The following IDO2 variants were observed in gnomAD, a reference collection of about 807,000 sequenced individuals.
The protein encoded by IDO2 is indoleamine 2,3-dioxygenase-like 1 protein.
In IDO2, 46 loss-of-function variants were observed where a neutral mutation model predicts 45.1. The observed-to-expected ratio is 1.02, with a 90% CI of 0.80 to 1.30. The LOEUF (loss-of-function observed/expected upper bound fraction) is 1.30, where lower values mean the gene tolerates loss of function less well. Among genes scored for constraint, IDO2 ranks in the 50% most tolerant of loss-of-function variants. The probability of loss-of-function intolerance (pLI) is 0.00; values close to 1 mark genes in which losing one functional copy is unlikely to be tolerated. For synonymous variants in IDO2, 218 were observed against 184.9 expected, an observed-to-expected ratio of 1.18 and a Z score of -1.45; for missense variants, 544 against 491.8, an observed-to-expected ratio of 1.11 and a Z score of -1.00.
chr8:39,994,685 ACGG>A (rs1802003718), intron 8 of IDO2, among the ~76,000 whole-genome samples: 1 of 47,140 alleles, frequency 2.1e-5, no homozygotes. Flanking sequence ...AATTGTTCCT[ACGG>A]TTCAGCCTGA....
At chr8:40,003,574 T>G (rs1019327017) in intron 8 of IDO2, among the ~76,000 whole-genome samples, 3 of 152,186 alleles carry the variant, frequency 2.0e-5, no homozygotes, top group African/African-American at 7.2e-5. Flanking sequence ...TGTTGATATT[T>G]GAATATTAAC....
intron 8 of IDO2, among the ~76,000 whole-genome samples, chr8:39,992,165 C>A (rs768020781): frequency 1.3e-5 from 2 of 152,192 alleles, no homozygotes; most frequent in Non-Finnish European, 1.5e-5. Flanking sequence ...CTCTGTGCCC[C>A]TACTTGTGAT....
intron 9 of IDO2, among the ~76,000 whole-genome samples, chr8:40,010,104 A>T (rs1385593838): frequency 6.6e-6 from 1 of 152,162 alleles, no homozygotes; most frequent in African/African-American, 2.4e-5. Flanking sequence ...ATACATTACA[A>T]TGGTAAGCAC....
intron 8 of IDO2, among the ~76,000 whole-genome samples, chr8:39,992,748 G>T (rs866769089): frequency 6.6e-6 from 1 of 152,100 alleles, no homozygotes; most frequent in Non-Finnish European, 1.5e-5. Context: ...AAAATGGAGC[G>T]TACCAAACAA....
chr8:40,010,896 TAGTC>T (rs758608765), intron 9 of IDO2, among the ~76,000 whole-genome samples: 1 of 152,262 alleles, frequency 6.6e-6, no homozygotes, highest in South Asian at 2.1e-4. Flanking sequence ...CATTTGTAAA[TAGTC>T]AGGATATAGG....
chr8:39,992,474 C>T (rs1801953077), intron 8 of IDO2, among the ~76,000 whole-genome samples: 1 of 152,186 alleles, frequency 6.6e-6, no homozygotes. Context: ...GGAGCAGAGT[C>T]AAGCCATTGC....
chr8:39,995,608 C>G (rs1449256421), intron 8 of IDO2, among the ~76,000 whole-genome samples: 1 of 151,876 alleles, frequency 6.6e-6, no homozygotes. Context: ...ACGAGCTGTT[C>G]CAGTATAATG....
At chr8:39,951,823 A>T (rs1372504879) in intron 2 of IDO2, among the ~76,000 whole-genome samples, 1 of 152,218 alleles carries the variant, frequency 6.6e-6, no homozygotes, top group African/African-American at 2.4e-5. Context: ...CAAATGAGCT[A>T]AACATGACGT....
At chr8:40,002,824 T>A (rs796183349) in intron 8 of IDO2, among the ~76,000 whole-genome samples, 3 of 152,060 alleles carry the variant, frequency 2.0e-5, no homozygotes, top group South Asian at 2.1e-4. Context: ...TGTTGGAAAT[T>A]TTGTACAAAT....
intron 3 of IDO2, among the ~76,000 whole-genome samples, chr8:39,970,915 T>G (rs1225049252): frequency 3.3e-5 from 5 of 151,868 alleles, no homozygotes; most frequent in Admixed American, 2.0e-4. Flanking sequence ...TACAGGCACG[T>G]GCCACCATGC....
At chr8:40,002,014 G>C (rs1353138098) in intron 8 of IDO2, among the ~76,000 whole-genome samples, 1 of 151,986 alleles carries the variant, frequency 6.6e-6, no homozygotes. Flanking sequence ...TCAAACTCCT[G>C]ACTTCAAGTG....
At chr8:40,014,218 A>G (rs1193166112) in intron 10 of IDO2, among the ~76,000 whole-genome samples, 1 of 152,208 alleles carries the variant, frequency 6.6e-6, no homozygotes, top group African/African-American at 2.4e-5. Flanking sequence ...CAGTTGCAAA[A>G]AGACACTTCA....
chr8:39,959,172 C>T (rs538924759), intron 2 of IDO2, among the ~76,000 whole-genome samples: 2 of 150,404 alleles, frequency 1.3e-5, no homozygotes, highest in Non-Finnish European at 2.9e-5. Context: ...TGCAGTGGTG[C>T]GATTGGCTCA....
chr8:39,951,873 C>T (rs1055842975), intron 2 of IDO2, among the ~76,000 whole-genome samples: 6 of 152,202 alleles, frequency 3.9e-5, no homozygotes, highest in African/African-American at 1.4e-4. Flanking sequence ...GTTCTTTCCT[C>T]TTTCATAACT....
chr8:40,012,430 G>T (rs937093955), intron 9 of IDO2, among the ~76,000 whole-genome samples: 3 of 152,048 alleles, frequency 2.0e-5, no homozygotes, highest in Admixed American at 6.6e-5. Flanking sequence ...ATTGCTTTGA[G>T]TCTTTGTTAC....
intron 8 of IDO2, among the ~76,000 whole-genome samples, chr8:39,992,255 A>G (rs1347167074): frequency 4.6e-5 from 7 of 152,166 alleles, no homozygotes; most frequent in Non-Finnish European, 1.0e-4. Context: ...TGCAGGTTTA[A>G]CCTTGTGTCC....
At chr8:39,939,623 G>T (rs1807613894) in intron 1 of IDO2, among the ~76,000 whole-genome samples, 1 of 145,496 alleles carries the variant, frequency 6.9e-6, no homozygotes, top group South Asian at 2.2e-4. Context: ...CAGTCTTTAC[G>T]TATTTATTTG....
intron 8 of IDO2, chr8:39,995,139 T>TTCTTCC (rs1802013819): frequency 8.9e-6 from 1 of 112,392 alleles, no homozygotes; most frequent in African/African-American, 3.3e-5. Flanking sequence ...ATTATTCTTA[T>TTCTTCC]TATTCTTCTT....
intron 2 of IDO2, 36 bp from the exon 3 acceptor site, chr8:39,963,572 G>A (rs1230357447): frequency 3.8e-6 from 5 of 1,302,758 alleles, no homozygotes; most frequent in Non-Finnish European, 4.4e-6. Flanking sequence ...TTCCAGAGAG[G>A]TCTAAAATAT....
Sources: gnomAD v4.1 joint callset for allele counts (sites outside exome capture counted in the v4.1 genomes callset) on GRCh38, gnomAD v4.1.1 for gene constraint, MANE v1.5 for transcripts, NCBI Gene and HGNC (gene_info 2026-07-23, HGNC 2026-07-21) for gene names.